DACH2: variants seen among roughly 807,000 people sequenced by gnomAD.
The protein encoded by DACH2 is dachshund family transcription factor 2, also known as dachshund homolog 2.
Under a neutral mutation model 35.8 loss-of-function variants are expected in DACH2, and 17 were observed. That is an observed-to-expected ratio of 0.48 (90% CI 0.33 to 0.71). The LOEUF (loss-of-function observed/expected upper bound fraction) is 0.71, where lower values mean the gene tolerates loss of function less well. DACH2 is among the 30% of genes least tolerant of loss of function. DACH2 has a pLI of 0.02. For missense variants in DACH2, 469 were observed against 472.7 expected (o/e 0.99, Z 0.07); for synonymous variants, 195 against 177.3 (o/e 1.10, Z -0.79).
At chrX:86,546,357 C>CTTCTTCT in intron 3 of DACH2, among the ~76,000 whole-genome samples, 1 of 50,068 alleles carries the variant, frequency 2.0e-5, no homozygotes, top group South Asian at 1.6e-3. Flanking sequence ...CTTCTTCTTC[C>CTTCTTCT]TCTTCTTCTT....
At chrX:86,232,662 G>A (rs1393493948) in intron 1 of DACH2, among the ~76,000 whole-genome samples, 1 of 111,915 alleles carries the variant, frequency 8.9e-6, no homozygotes, top group Non-Finnish European at 1.9e-5. Flanking sequence ...CAGTCAGAAT[G>A]GCTACTTAAA....
intron 3 of DACH2, among the ~76,000 whole-genome samples, chrX:86,591,808 T>A (rs145304789): frequency 0.088 from 9,757 of 110,969 alleles, 1,095 homozygotes; most frequent in African/African-American, 0.31. Context: ...AGTGCTGGGA[T>A]TATAGGCGTG....
intron 1 of DACH2, among the ~76,000 whole-genome samples, chrX:86,323,596 T>C (rs1458081160): frequency 2.7e-5 from 3 of 111,756 alleles, no homozygotes; most frequent in Non-Finnish European, 5.7e-5. Context: ...TAGGAAAGCT[T>C]GGAGATCCTA....
At chrX:86,590,483 T>C (rs1479247380) in intron 3 of DACH2, among the ~76,000 whole-genome samples, 2 of 112,041 alleles carry the variant, frequency 1.8e-5, no homozygotes, top group African/African-American at 6.5e-5. Context: ...GACATCTTAG[T>C]TGCTTCCAAG....
At chrX:86,752,355 T>C (rs1178402371) in intron 7 of DACH2, among the ~76,000 whole-genome samples, 1 of 110,466 alleles carries the variant, frequency 9.1e-6, no homozygotes, top group African/African-American at 3.4e-5. Flanking sequence ...TGATTACTGA[T>C]GTTGACCAAC....
chrX:86,799,599 C>G (rs762442969), intron 7 of DACH2, among the ~76,000 whole-genome samples: 1 of 111,884 alleles, frequency 8.9e-6, no homozygotes, highest in South Asian at 3.7e-4. Context: ...ACTTCAGGCT[C>G]AAACTACTTT....
intron 2 of DACH2, among the ~76,000 whole-genome samples, chrX:86,463,345 G>A (rs952892530): frequency 1.2e-4 from 13 of 110,044 alleles, no homozygotes; most frequent in Middle Eastern, 4.7e-3. Context: ...AAAGTAAGAC[G>A]TGTAAATGCC....
At chrX:86,524,046 C>T (rs1456388553) in intron 3 of DACH2, among the ~76,000 whole-genome samples, 1 of 112,377 alleles carries the variant, frequency 8.9e-6, no homozygotes, top group Non-Finnish European at 1.9e-5. Context: ...AAACTAAATT[C>T]CTCCAAAATT....
chrX:86,185,200 C>A (rs2031646408), intron 1 of DACH2, among the ~76,000 whole-genome samples: 1 of 111,710 alleles, frequency 9.0e-6, no homozygotes, highest in Non-Finnish European at 1.9e-5. Flanking sequence ...GGTGAGTGAT[C>A]TTTTGAAAAA....
intron 2 of DACH2, among the ~76,000 whole-genome samples, chrX:86,396,877 T>A (rs1357207799): frequency 9.0e-6 from 1 of 111,028 alleles, no homozygotes; most frequent in Non-Finnish European, 1.9e-5. Flanking sequence ...TGCGGGCTCT[T>A]TTTTGGTTCC....
intron 1 of DACH2, among the ~76,000 whole-genome samples, chrX:86,228,628 G>C (rs1055497450): frequency 9.0e-6 from 1 of 110,832 alleles, no homozygotes; most frequent in Non-Finnish European, 1.9e-5. Context: ...AACATCTACT[G>C]TTTTTTGATT....
chrX:86,767,773 G>A (rs1325643793), intron 7 of DACH2, among the ~76,000 whole-genome samples: 2 of 111,670 alleles, frequency 1.8e-5, no homozygotes, highest in African/African-American at 6.5e-5. Context: ...GAAGAGAAAG[G>A]TTATTGGAAT....
Position 86,523,888 on chromosome X carries a change from C to T in DACH2, c.640+9497C>T, listed in dbSNP as rs763880696. Among the ~76,000 whole-genome samples, 13 of 111,290 alleles carry T rather than the reference C, an allele frequency of 1.2e-4. No individual in the cohort carries two copies. The East Asian group carries it at 3.4e-3, about 29-fold the overall frequency. On this transcript the variant is annotated intron_variant, in intron 3 of 11. Coordinates refer to ENST00000373125, the MANE Select transcript of DACH2 (RefSeq NM_053281.3). ...AGCAGTATTGGGTTAGAATAATACA[C>T]CTATATTTTATCAGAACTCAGGCCC...
intron 1 of DACH2, among the ~76,000 whole-genome samples, chrX:86,173,750 T>A (rs2147875350): frequency 8.9e-6 from 1 of 112,246 alleles, no homozygotes; most frequent in Admixed American, 9.5e-5. Context: ...TGCAGTGTTT[T>A]AAGCAGGAGT....
intron 2 of DACH2, among the ~76,000 whole-genome samples, chrX:86,475,938 C>T (rs983530224): frequency 8.9e-6 from 1 of 111,900 alleles, no homozygotes; most frequent in East Asian, 2.8e-4. Flanking sequence ...AATGATCATA[C>T]GATTGTTGTC....
chrX:86,754,154 A>G (rs940600320), intron 7 of DACH2, among the ~76,000 whole-genome samples: 1 of 111,953 alleles, frequency 8.9e-6, no homozygotes, highest in Non-Finnish European at 1.9e-5. Flanking sequence ...TAAAGTACCA[A>G]ATATAATTGT....
chrX:86,711,960 ATCTT>A (rs769192620), intron 5 of DACH2, among the ~76,000 whole-genome samples: 1 of 111,987 alleles, frequency 8.9e-6, no homozygotes, highest in Non-Finnish European at 1.9e-5. Context: ...GATGCTGAAA[ATCTT>A]TGGAGAATGA....
chrX:86,703,369 G>T lies in DACH2; in HGVS notation c.931+8190G>T, dbSNP rs762581278. Among the ~76,000 whole-genome samples, 7 of 111,232 alleles carry T rather than the reference G, an allele frequency of 6.3e-5. No individual in the cohort carries two copies. In the South Asian group the frequency reaches 2.6e-3, roughly 42 times the overall value. ...CCCATAAGAACTGGAACGAGAGAAGGTTGCCCATTTTTACCACTCCTATAC... is the reference window on the plus strand; with the variant it reads ...CCCATAAGAACTGGAACGAGAGAAGTTTGCCCATTTTTACCACTCCTATAC... On this transcript the variant is annotated intron_variant, in intron 5 of 11. Transcript: ENST00000373125.
chrX:86,736,172 A>G (rs957562308), intron 6 of DACH2, among the ~76,000 whole-genome samples: 2 of 111,391 alleles, frequency 1.8e-5, no homozygotes, highest in African/African-American at 6.5e-5. Context: ...AAAAAACACA[A>G]CACCTAATTC....
Sources: gnomAD v4.1 joint callset for allele counts (sites outside exome capture counted in the v4.1 genomes callset) on GRCh38, gnomAD v4.1.1 for gene constraint, MANE v1.5 for transcripts, NCBI Gene and HGNC (gene_info 2026-07-23, HGNC 2026-07-21) for gene names.